Variants in SPRED2 observed in about 807,000 individuals in gnomAD.
SPRED2 encodes the protein sprouty related EVH1 domain containing 2.
SPRED2 carries 47 observed loss-of-function variants against 43.0 expected under a neutral mutation model. The ratio of observed to expected loss-of-function variants is 1.09; its 90% CI spans 0.87 to 1.40. The LOEUF is 1.40. SPRED2 is among the 40% of genes most tolerant of loss of function. The pLI is 0.00. For synonymous variants in SPRED2, 225 were observed against 225.7 expected, an observed-to-expected ratio of 1.00 and a Z score of 0.03; for missense variants, 561 against 586.4, an observed-to-expected ratio of 0.96 and a Z score of 0.45.
intron 1 of SPRED2, among the ~76,000 whole-genome samples, chr2:65,373,149 G>C (rs1341111626): frequency 6.6e-6 from 1 of 152,194 alleles, no homozygotes; most frequent in African/African-American, 2.4e-5. Flanking sequence ...ATTCTATTGA[G>C]AGGCAGTAGC....
chr2:65,379,122 C>T (rs1367993300), intron 1 of SPRED2, among the ~76,000 whole-genome samples: 1 of 152,064 alleles, frequency 6.6e-6, no homozygotes, highest in African/African-American at 2.4e-5. Flanking sequence ...ACTTGGCAAA[C>T]AGGTTAAAAT....
In SPRED2 at chr2:65,312,406, G is replaced by A; in HGVS notation, c.*1095C>T. The A allele has an allele frequency of 2.0e-6, 2 of 985,338 alleles. No homozygotes were observed. Among genetic ancestry groups the A allele is most frequent in the Non-Finnish European group, 2.4e-6 (2 of 829,892 alleles). The allele number at this position is 985,338 out of a possible 1,614,324, so 61.0% of individuals were successfully genotyped here. On this transcript the variant is annotated 3_prime_UTR_variant, in exon 6 of 6. Transcript: ENST00000356388. ...GCAACCCACCACTCTTCAAATTTATGACATTTAAAAATCCCCTCTCCCCAT... is the reference window on the plus strand; with the variant it reads ...GCAACCCACCACTCTTCAAATTTATAACATTTAAAAATCCCCTCTCCCCAT...
intron 1 of SPRED2, among the ~76,000 whole-genome samples, chr2:65,363,245 A>C (rs76813440): frequency 1.3e-5 from 2 of 150,214 alleles, no homozygotes; most frequent in African/African-American, 2.4e-5. Context: ...GTCTCAAAAA[A>C]AAAAAAAAAA....
At chr2:65,419,593 GT>G (rs1374924363) in intron 1 of SPRED2, among the ~76,000 whole-genome samples, 3 of 148,558 alleles carry the variant, frequency 2.0e-5, no homozygotes, top group African/African-American at 7.4e-5. Flanking sequence ...GTGTGTGTGT[GT>G]GTGTGTGTGT....
At chr2:65,371,179 T>G (rs1344750468) in intron 1 of SPRED2, among the ~76,000 whole-genome samples, 1 of 143,562 alleles carries the variant, frequency 7.0e-6, no homozygotes, top group Non-Finnish European at 1.5e-5. Flanking sequence ...CCGCATCCAA[T>G]CATACTGAAT....
intron 1 of SPRED2, among the ~76,000 whole-genome samples, chr2:65,348,463 G>T (rs543177092): frequency 2.0e-5 from 3 of 151,714 alleles, no homozygotes; most frequent in Admixed American, 1.3e-4. Flanking sequence ...AACAGGTTGC[G>T]GAATGAATGG....
In SPRED2 at chr2:65,313,638, A is replaced by G; in HGVS notation, c.1120T>C (p.Phe374Leu). 1 of 1,614,130 alleles carries G rather than the reference A, an allele frequency of 6.2e-7. No individual in the cohort carries two copies. Among genetic ancestry groups the G allele is most frequent in the Non-Finnish European group, 8.5e-7 (1 of 1,180,014 alleles). The change falls in exon 6 of 6, where the codon TTT (phenylalanine) becomes CTT (leucine). Residue 374 changes from phenylalanine to leucine, a missense_variant. Phe to Leu is a conservative substitution (Grantham distance 22). Transcript: ENST00000356388. ...ATAAGAGCCATCCACCGGAGGCAAAACTTCTCGTCGCTAGTATCGCACGAG... is the reference window on the plus strand; with the variant it reads ...ATAAGAGCCATCCACCGGAGGCAAAGCTTCTCGTCGCTAGTATCGCACGAG... ...PCSCDTSDEK[F>L]CLRWMALIAL...
chr2:65,336,837 G>T (rs1000177257), intron 2 of SPRED2, among the ~76,000 whole-genome samples: 1 of 152,168 alleles, frequency 6.6e-6, no homozygotes, highest in Non-Finnish European at 1.5e-5. Flanking sequence ...GGCCGGGCGC[G>T]GTGGCTCACG....
chr2:65,403,385 T>C (rs1284521196), intron 1 of SPRED2, among the ~76,000 whole-genome samples: 1 of 152,190 alleles, frequency 6.6e-6, no homozygotes, highest in Non-Finnish European at 1.5e-5. Flanking sequence ...GTGATCCTCC[T>C]GCCTCGGCCT....
chr2:65,316,400 A>G (rs1673233845), intron 5 of SPRED2, among the ~76,000 whole-genome samples: 1 of 152,178 alleles, frequency 6.6e-6, no homozygotes, highest in African/African-American at 2.4e-5. Flanking sequence ...ACAGGCTTGG[A>G]TTTGAATCTC....
intron 1 of SPRED2, among the ~76,000 whole-genome samples, chr2:65,365,296 A>G (rs1261645894): frequency 6.6e-6 from 1 of 152,202 alleles, no homozygotes; most frequent in African/African-American, 2.4e-5. Flanking sequence ...GTCTCCAAAA[A>G]CAAATTGGCC....
intron 3 of SPRED2, chr2:65,334,366 T>C (rs1050923979): frequency 3.3e-6 from 2 of 610,428 alleles, no homozygotes; most frequent in Non-Finnish European, 6.2e-6. Context: ...TGCCTGTTTT[T>C]TCACAGCAGA....
At position 65,360,437 on chromosome 2, in the gene SPRED2, C is replaced by T. The variant is rs116005288; in HGVS notation, c.27-15541G>A. On this transcript the variant is annotated intron_variant, in intron 1 of 5. Transcript: ENST00000356388. Reference sequence around the variant, plus strand: ...CTTTTTCTTGTGTGTTCGCATATAGCGAATTAACCTTAACACCTGTGGTCC... The same window carrying T: ...CTTTTTCTTGTGTGTTCGCATATAGTGAATTAACCTTAACACCTGTGGTCC... 4.8e-3 allele frequency among the ~76,000 whole-genome samples: 725 copies of T among 152,244 alleles called. 9 individuals are homozygous for T. Among genetic ancestry groups the T allele is most frequent in the African/African-American group, 0.015 (636 of 41,538 alleles).
In SPRED2 at chr2:65,358,928, G is replaced by A. The variant is rs537816015; in HGVS notation, c.27-14032C>T. Among the ~76,000 whole-genome samples the A allele has an allele frequency of 4.1e-4, 63 of 152,274 alleles. 1 individual carries two copies. The highest frequency in any genetic ancestry group is 3.6e-3 in the Admixed American group (55 of 15,288). On this transcript the variant is annotated intron_variant, in intron 1 of 5. Coordinates refer to ENST00000356388, the MANE Select transcript of SPRED2 (RefSeq NM_181784.3). ...CTTTCCTATCTGGGGGTGGGGTGAG[G>A]GAGAAAAGGTAAGGAGGAGGAATTC... is the stretch of plus-strand genomic sequence containing the variant.
chr2:65,356,973 A>C (rs544947637), intron 1 of SPRED2, among the ~76,000 whole-genome samples: 2 of 152,310 alleles, frequency 1.3e-5, no homozygotes, highest in East Asian at 3.9e-4. Flanking sequence ...CAGCCTGGGC[A>C]ACAGAATGAG....
chr2:65,418,610 C>G (rs2103786971), intron 1 of SPRED2, among the ~76,000 whole-genome samples: 1 of 151,864 alleles, frequency 6.6e-6, no homozygotes, highest in South Asian at 2.1e-4. Context: ...CTGGAGCATA[C>G]TGGCACGACC....
intron 1 of SPRED2, among the ~76,000 whole-genome samples, chr2:65,371,307 A>C (rs1675120052): frequency 6.6e-6 from 1 of 152,236 alleles, no homozygotes; most frequent in Admixed American, 6.5e-5. Flanking sequence ...TGCACAAAAG[A>C]AACCATTCTA....
intron 1 of SPRED2, among the ~76,000 whole-genome samples, chr2:65,356,048 A>C (rs1674635085): frequency 6.6e-6 from 1 of 152,242 alleles, no homozygotes; most frequent in African/African-American, 2.4e-5. Context: ...GGAGTTGTTT[A>C]AAGTTAATAA....
intron 2 of SPRED2, chr2:65,344,513 C>G: frequency 1.4e-6 from 1 of 713,686 alleles, no homozygotes; most frequent in Non-Finnish European, 2.6e-6. Context: ...TCGGATAAAG[C>G]GTGTGGTCAA....
Sources: allele counts gnomAD v4.1 joint callset (sites outside exome capture counted in the v4.1 genomes callset), GRCh38; gene constraint gnomAD v4.1.1; transcripts MANE v1.5; gene names NCBI Gene and HGNC (gene_info 2026-07-23, HGNC 2026-07-21).